TMEM67: variants seen among roughly 807,000 people sequenced by gnomAD.
TMEM67 encodes transmembrane protein 67.
Under a neutral mutation model 136.6 loss-of-function variants are expected in TMEM67, and 124 were observed. The observed-to-expected ratio is 0.91, with a 90% CI of 0.78 to 1.05. The LOEUF (loss-of-function observed/expected upper bound fraction) is 1.05, where lower values mean the gene tolerates loss of function less well. Among genes scored for constraint, TMEM67 ranks in the 50% least tolerant of loss-of-function variants. The pLI, the probability that TMEM67 is intolerant of heterozygous loss-of-function variation, is 0.00. For synonymous variants in TMEM67, 364 were observed against 390.5 expected (o/e 0.93, Z 0.80); for missense variants, 1,107 against 1,178.4 (o/e 0.94, Z 0.89).
At chr8:93,822,772 T>C (rs1471101440), downstream of TMEM67, among the ~76,000 whole-genome samples, 2 of 152,224 alleles carry the variant, frequency 1.3e-5, no homozygotes, top group Admixed American at 1.3e-4. Flanking sequence ...AAAGATGATA[T>C]ACTTTCATCC....
At chr8:93,793,112 T>C (rs1454717710) in intron 15 of TMEM67, 86 bp from the exon 16 acceptor site, 3 of 1,242,252 alleles carry the variant, frequency 2.4e-6, no homozygotes, top group Admixed American at 1.7e-5. Flanking sequence ...CACCATTTTT[T>C]TGAGCACTTC....
chr8:93,769,788 AT>A (rs1389061976), intron 6 of TMEM67, among the ~76,000 whole-genome samples: 1 of 152,234 alleles, frequency 6.6e-6, no homozygotes, highest in Non-Finnish European at 1.5e-5. Context: ...ATACATGTTT[AT>A]TAGTTTATGT....
At chr8:93,801,364 A>G (rs1314858911) in intron 21 of TMEM67, among the ~76,000 whole-genome samples, 1 of 151,606 alleles carries the variant, frequency 6.6e-6, no homozygotes, top group African/African-American at 2.4e-5. Context: ...CCTCCTGATT[A>G]GCTGGGACTA....
intron 17 of TMEM67, among the ~76,000 whole-genome samples, 176 bp downstream of exon 17, chr8:93,795,683 T>C (rs1431903305): frequency 6.6e-6 from 1 of 152,126 alleles, no homozygotes; most frequent in African/African-American, 2.4e-5. Flanking sequence ...ATCTTCCTCT[T>C]TTATGCTTTC....
chr8:93,824,374 T>C, the TMEM67 span, among the ~76,000 whole-genome samples: 1 of 152,330 alleles, frequency 6.6e-6, no homozygotes, highest in Non-Finnish European at 1.5e-5. Context: ...TTTTAAATAT[T>C]TCTGTAAATT....
downstream of TMEM67, among the ~76,000 whole-genome samples, chr8:93,818,387 A>G (rs1213521674): frequency 1.3e-5 from 2 of 152,212 alleles, no homozygotes; most frequent in African/African-American, 2.4e-5. Context: ...ATACTTCTGT[A>G]GACCAGTGCC....
intron 1 of TMEM67, among the ~76,000 whole-genome samples, 165 bp downstream of exon 1, chr8:93,755,302 G>A (rs1387260135): frequency 6.6e-6 from 1 of 152,154 alleles, no homozygotes; most frequent in Non-Finnish European, 1.5e-5. Flanking sequence ...TTACAGGCGT[G>A]AGCCACCGCG....
rs369178053 is a variant in TMEM67 at position 93,780,644 on chromosome 8, A to G, written c.766A>G (p.Asn256Asp). The G allele has an allele frequency of 6.2e-7, 1 of 1,614,062 alleles. No homozygotes were observed. The highest frequency in any genetic ancestry group is 1.3e-5 in the African/African-American group (1 of 74,944). Residue 256 changes from asparagine (N) to aspartate (D), a missense_variant, in exon 8 of 28, where the codon AAC becomes GAC. Asn to Asp is a conservative substitution (Grantham distance 23). Around this residue, in one of 3 missense-constraint regions of TMEM67, gnomAD observed 925 missense variants for 1,002.4 expected, o/e 0.92. Transcript: ENST00000453321. ...CQALGNMCVMNMNSYDFATFD... is the reference protein window; with the variant it reads ...CQALGNMCVMDMNSYDFATFD... ...AGCTCTTGGAAATATGTGTGTGATG[A>G]ACATGAATTCTTACGACTTTGCCAC...
intron 6 of TMEM67, among the ~76,000 whole-genome samples, chr8:93,766,245 A>G (rs1379440391): frequency 6.6e-6 from 1 of 151,962 alleles, no homozygotes; most frequent in Admixed American, 6.6e-5. Context: ...TGCCTCAGCG[A>G]GTAGCTGGGA....
chr8:93,783,173 A>T (rs1474357814), intron 11 of TMEM67, among the ~76,000 whole-genome samples: 1 of 152,038 alleles, frequency 6.6e-6, no homozygotes, highest in Non-Finnish European at 1.5e-5. Flanking sequence ...TTGCATAGAG[A>T]TGGGGTTTTG....
chr8:93,760,086 C>G (rs1356592822), intron 3 of TMEM67: 1 of 854,242 alleles, frequency 1.2e-6, no homozygotes, highest in East Asian at 3.8e-5. Flanking sequence ...AAAGATGCAA[C>G]TCTTCTACCA....
At chr8:93,828,489 C>T in the TMEM67 span, among the ~76,000 whole-genome samples, 1 of 152,172 alleles carries the variant, frequency 6.6e-6, no homozygotes. Flanking sequence ...CCTGTAATCC[C>T]AACACTTTGG....
chr8:93,796,340 A>G (rs75846578), intron 18 of TMEM67, among the ~76,000 whole-genome samples: 1,561 of 152,314 alleles, frequency 0.01, 21 homozygotes, highest in African/African-American at 0.036. Flanking sequence ...ACCACTCTGG[A>G]TAAAGTGTTG....
At chr8:93,813,000 T>C (rs1361195560) in intron 26 of TMEM67, among the ~76,000 whole-genome samples, 1 of 152,160 alleles carries the variant, frequency 6.6e-6, no homozygotes, top group African/African-American at 2.4e-5. Flanking sequence ...CCTCCCAAAG[T>C]GCTGGGATTA....
the TMEM67 span, among the ~76,000 whole-genome samples, chr8:93,829,768 A>G: frequency 6.6e-6 from 1 of 151,990 alleles, no homozygotes; most frequent in Non-Finnish European, 1.5e-5. Flanking sequence ...ATGGTGGATG[A>G]GCCAGTTCCT....
At chr8:93,782,571 G>GGT in intron 11 of TMEM67, 111 bp downstream of exon 11, 1 of 463,890 alleles carries the variant, frequency 2.2e-6, no homozygotes, top group Non-Finnish European at 3.7e-6. Flanking sequence ...TTTATTCTTG[G>GGT]TTTTTTTTTT....
chr8:93,795,409 A>G lies in TMEM67; in HGVS notation c.1675A>G (p.Thr559Ala). 1 of 1,613,590 alleles carries G rather than the reference A, an allele frequency of 6.2e-7. No individual in the cohort carries two copies. The highest frequency in any genetic ancestry group is 1.3e-5 in the African/African-American group (1 of 75,024). The change falls in exon 17 of 28, where the codon ACA becomes GCA. Residue 559 changes from threonine (T) to alanine (A), a missense_variant and splice_region_variant. Around this residue, in one of 3 missense-constraint regions of TMEM67, gnomAD observed 925 missense variants for 1,002.4 expected, o/e 0.92. Transcript: ENST00000453321. ...TGTAATTCTTTTTTTTAAATTGCAG[A>G]CAGTTGTGAAATTCTTGGTGTACTA... ...RIGSPMIDLQTVVKFLVYYAG... is the reference protein window; with the variant it reads ...RIGSPMIDLQAVVKFLVYYAG...
intron 2 of TMEM67, among the ~76,000 whole-genome samples, chr8:93,757,673 G>T (rs894937216): frequency 6.6e-6 from 1 of 150,562 alleles, no homozygotes; most frequent in Non-Finnish European, 1.5e-5. Flanking sequence ...AGCCATAAAT[G>T]GATAGAAGAA....
At chr8:93,808,506 G>GT (rs1808545225) in intron 23 of TMEM67, among the ~76,000 whole-genome samples, 1 of 14,858 alleles carries the variant, frequency 6.7e-5, no homozygotes, top group Non-Finnish European at 1.4e-4. Flanking sequence ...TATTATAGAT[G>GT]AATATATATA....
Sources: gnomAD v4.1 joint callset for allele counts (sites outside exome capture counted in the v4.1 genomes callset) on GRCh38, gnomAD v4.1.1 for gene constraint, gnomAD v4.1.1 regional missense constraint, MANE v1.5 for transcripts, NCBI Gene and HGNC (gene_info 2026-07-23, HGNC 2026-07-21) for gene names.